Variants in MRTFA observed in about 807,000 individuals in gnomAD.
MRTFA encodes the protein myocardin-related transcription factor A.
Under a neutral mutation model 83.5 loss-of-function variants are expected in MRTFA, and 20 were observed. That is an observed-to-expected ratio of 0.24 (90% confidence interval 0.17 to 0.35). The LOEUF is 0.35. MRTFA is among the 10% of genes least tolerant of loss of function. The pLI is 1.00. For missense variants in MRTFA, 1,200 were observed against 1,224.7 expected (o/e 0.98, Z 0.30); for synonymous variants, 659 against 541.2 (o/e 1.22, Z -3.02).
At chr22:40,432,642 C>T (rs547422835) in intron 5 of MRTFA, among the ~76,000 whole-genome samples, 2 of 140,634 alleles carry the variant, frequency 1.4e-5, no homozygotes, top group South Asian at 4.6e-4. Context: ...CCTCAGAGGA[C>T]ATTATATATA....
At chr22:40,489,389 G>A (rs943573778) in intron 3 of MRTFA, among the ~76,000 whole-genome samples, 30 of 150,132 alleles carry the variant, frequency 2.0e-4, no homozygotes, top group African/African-American at 6.6e-4. Context: ...TCGTTCTGTC[G>A]CCCAGGCTGG....
At chr22:40,459,862 T>TACATAC (rs2053678741) in intron 4 of MRTFA, among the ~76,000 whole-genome samples, 14 of 121,496 alleles carry the variant, frequency 1.2e-4, no homozygotes, top group African/African-American at 4.1e-4. Context: ...TATATATATA[T>TACATAC]ACACACATGA....
intron 3 of MRTFA, among the ~76,000 whole-genome samples, chr22:40,525,449 C>T (rs2054952023): frequency 6.6e-6 from 1 of 151,810 alleles, no homozygotes; most frequent in South Asian, 2.1e-4. Flanking sequence ...TACAGTGAGC[C>T]GAGATCCCAC....
intron 9 of MRTFA, among the ~76,000 whole-genome samples, chr22:40,422,699 A>G (rs1014538281): frequency 8.5e-5 from 13 of 152,222 alleles, no homozygotes; most frequent in African/African-American, 3.1e-4. Context: ...CATGGGACAG[A>G]GCCAGGGAGT....
intron 3 of MRTFA, among the ~76,000 whole-genome samples, chr22:40,500,328 T>C (rs1377004582): frequency 8.7e-6 from 1 of 114,334 alleles, no homozygotes; most frequent in Non-Finnish European, 1.9e-5. Context: ...TTTTTTTTTG[T>C]TACAGTTTTT....
chr22:40,469,452 T>C (rs148380380), intron 3 of MRTFA, among the ~76,000 whole-genome samples: 1 of 152,310 alleles, frequency 6.6e-6, no homozygotes, highest in Non-Finnish European at 1.5e-5. Context: ...GAGGCCTCTC[T>C]AGAAGCTGAG....
intron 3 of MRTFA, among the ~76,000 whole-genome samples, chr22:40,500,207 G>C (rs982531331): frequency 6.7e-6 from 1 of 149,884 alleles, no homozygotes. Flanking sequence ...GGGATTACAG[G>C]CATGAGCCAC....
chr22:40,570,475 G>A (rs2055772716), intron 2 of MRTFA, among the ~76,000 whole-genome samples: 1 of 151,018 alleles, frequency 6.6e-6, no homozygotes, highest in Admixed American at 6.6e-5. Flanking sequence ...CTACTCGGGA[G>A]GCTGAGGCAG....
chr22:40,463,626 C>T (rs894110713), intron 3 of MRTFA, among the ~76,000 whole-genome samples: 3 of 152,262 alleles, frequency 2.0e-5, no homozygotes, highest in Admixed American at 6.5e-5. Flanking sequence ...AATATCCTAA[C>T]GAGGACCACC....
chr22:40,490,288 T>C (rs1008896602), intron 3 of MRTFA, among the ~76,000 whole-genome samples: 3 of 152,198 alleles, frequency 2.0e-5, no homozygotes, highest in Non-Finnish European at 4.4e-5. Flanking sequence ...AAAAAGCAAC[T>C]GCCTCTCAAC....
At chr22:40,463,333 T>C (rs1386840939) in intron 3 of MRTFA, 47 bp from the exon 4 acceptor site, 1 of 1,515,272 alleles carries the variant, frequency 6.6e-7, no homozygotes, top group African/African-American at 1.4e-5. Flanking sequence ...CAGTTGGGTA[T>C]TCCACCTCAA....
At chr22:40,483,101 G>A (rs73167072) in intron 3 of MRTFA, among the ~76,000 whole-genome samples, 12,425 of 152,078 alleles carry the variant, frequency 0.082, 794 homozygotes, top group East Asian at 0.24. Context: ...CTCTCTTGCC[G>A]AGGCTGGAAT....
intron 3 of MRTFA, among the ~76,000 whole-genome samples, chr22:40,482,002 G>C: frequency 6.6e-6 from 1 of 151,298 alleles, no homozygotes; most frequent in Non-Finnish European, 1.5e-5. Context: ...AGAGCGTGCA[G>C]TGAGCCGAGA....
chr22:40,457,696 T>C (rs1004427293), intron 4 of MRTFA, among the ~76,000 whole-genome samples: 10 of 151,898 alleles, frequency 6.6e-5, no homozygotes, highest in African/African-American at 2.4e-4. Flanking sequence ...AAATAATTAT[T>C]TCCTCACGTG....
chr22:40,503,895 C>T (rs2054538331), intron 3 of MRTFA, among the ~76,000 whole-genome samples: 1 of 151,714 alleles, frequency 6.6e-6, no homozygotes, highest in Non-Finnish European at 1.5e-5. Flanking sequence ...GCACTTCAGC[C>T]TGGGCAACAG....
chr22:40,624,842 T>C (rs935796959), intron 1 of MRTFA, among the ~76,000 whole-genome samples: 42 of 152,216 alleles, frequency 2.8e-4, no homozygotes, highest in Non-Finnish European at 1.2e-4. Context: ...TCCATATATA[T>C]TGATCCTGCC....
At chr22:40,569,881 C>T (rs1425110872) in intron 2 of MRTFA, 1 of 155,116 alleles carries the variant, frequency 6.4e-6, no homozygotes, top group Middle Eastern at 1.4e-3. Context: ...GCAGAAGGCA[C>T]ATTTCTTGGG....
chr22:40,412,524 C>CACCTGAG (rs2052580994), intron 14 of MRTFA: 1 of 152,204 alleles, frequency 6.6e-6, no homozygotes, highest in Admixed American at 6.5e-5. Flanking sequence ...GGTATTTGTA[C>CACCTGAG]ACAGGTGTTG....
intron 4 of MRTFA, among the ~76,000 whole-genome samples, chr22:40,451,975 GTTTTTTTTTTTTTTTTT>G (rs771103539): frequency 3.7e-5 from 3 of 80,478 alleles, no homozygotes; most frequent in Non-Finnish European, 6.8e-5. Context: ...TTTTTTTTTG[GTTTTTTTTTTTTTTTTT>G]TTTTTTTTTG....
Sources: gnomAD v4.1 joint callset for allele counts (sites outside exome capture counted in the v4.1 genomes callset) on GRCh38, gnomAD v4.1.1 for gene constraint, MANE v1.5 for transcripts, NCBI Gene and HGNC (gene_info 2026-07-23, HGNC 2026-07-21) for gene names.